Variants in IPO11 observed in about 807,000 individuals in gnomAD.
The protein encoded by IPO11 is importin 11, also known as importin-11.
Under a neutral mutation model 143.2 loss-of-function variants are expected in IPO11, and 66 were observed. The observed-to-expected ratio is 0.46, with a 90% CI of 0.38 to 0.57. The LOEUF (loss-of-function observed/expected upper bound fraction) is 0.57. Among genes scored for constraint, IPO11 ranks in the 20% least tolerant of loss-of-function variants. The pLI is 0.00. For missense variants in IPO11, 1,026 were observed against 1,141.0 expected (o/e 0.90, Z 1.45); for synonymous variants, 385 against 377.8 (o/e 1.02, Z -0.22).
At position 62,458,882 on chromosome 5, in the gene IPO11, C is replaced by T. The variant is rs184651689; in HGVS notation, c.516+6949C>T. 2.0e-5 allele frequency among the ~76,000 whole-genome samples: 3 copies of T among 152,234 alleles called. No individual in the cohort carries two copies. The East Asian group carries it at 5.8e-4, about 29-fold the overall frequency. ...ATTCATAAAGCCTCTTGTCTGAGTC[C>T]TAGTTAAGGGCCTGGAATAAGAATG... On this transcript the variant is annotated intron_variant, in intron 5 of 29. Coordinates refer to ENST00000325324, the MANE Select transcript of IPO11 (RefSeq NM_016338.5).
chr5:62,465,898 G>C (rs1053960482), intron 5 of IPO11, among the ~76,000 whole-genome samples: 4 of 152,248 alleles, frequency 2.6e-5, no homozygotes, highest in Admixed American at 6.5e-5. Flanking sequence ...AACAATAGGA[G>C]ATAGATGACT....
At chr5:62,573,969 C>T (rs769551651) in intron 27 of IPO11, among the ~76,000 whole-genome samples, 17 of 152,302 alleles carry the variant, frequency 1.1e-4, no homozygotes, top group Admixed American at 6.5e-4. Flanking sequence ...TGGGGATGTT[C>T]ATTCAACTTC....
At chr5:62,532,675 G>A (rs531196825) in intron 22 of IPO11, among the ~76,000 whole-genome samples, 27 of 152,174 alleles carry the variant, frequency 1.8e-4, no homozygotes, top group African/African-American at 6.5e-4. Context: ...TAGTTTTAAT[G>A]ATAGAAATCT....
intron 3 of IPO11, among the ~76,000 whole-genome samples, chr5:62,447,776 A>G (rs1036602834): frequency 2.8e-5 from 3 of 108,078 alleles, no homozygotes; most frequent in Non-Finnish European, 6.3e-5. Context: ...TGGTAGAGAC[A>G]GGGTTTCGCC....
intron 22 of IPO11, among the ~76,000 whole-genome samples, chr5:62,531,082 A>G (rs895725560): frequency 1.3e-5 from 2 of 152,164 alleles, no homozygotes; most frequent in Non-Finnish European, 2.9e-5. Flanking sequence ...TATGTCCTTG[A>G]GTACTCAATG....
chr5:62,492,484 G>A (rs1746654655), intron 15 of IPO11, among the ~76,000 whole-genome samples: 1 of 151,906 alleles, frequency 6.6e-6, no homozygotes, highest in Admixed American at 6.6e-5. Context: ...AATTCCTTTA[G>A]GTGTGTTATA....
intron 6 of IPO11, among the ~76,000 whole-genome samples, chr5:62,467,974 G>T (rs1022677130): frequency 2.6e-5 from 4 of 151,952 alleles, no homozygotes; most frequent in African/African-American, 9.7e-5. Flanking sequence ...GACAGACAGG[G>T]TCTTGCTCTG....
At chr5:62,609,255 G>A (rs1376733352) in intron 29 of IPO11, among the ~76,000 whole-genome samples, 1 of 152,220 alleles carries the variant, frequency 6.6e-6, no homozygotes, top group Non-Finnish European at 1.5e-5. Context: ...GAAGTGATGA[G>A]AGGCTAAAGG....
At chr5:62,499,900 A>G (rs190669279) in intron 16 of IPO11, among the ~76,000 whole-genome samples, 42 of 152,282 alleles carry the variant, frequency 2.8e-4, no homozygotes, top group Middle Eastern at 3.4e-3. Flanking sequence ...AGGATCATCA[A>G]TATCATTGTC....
intron 19 of IPO11, among the ~76,000 whole-genome samples, chr5:62,508,941 G>C (rs1359601138): frequency 6.6e-6 from 1 of 152,164 alleles, no homozygotes; most frequent in East Asian, 1.9e-4. Context: ...ATACACCGTG[G>C]AATACTATGC....
At chr5:62,489,423 G>A (rs1311711553) in intron 14 of IPO11, 74 bp downstream of exon 14, 9 of 1,069,410 alleles carry the variant, frequency 8.4e-6, no homozygotes, top group African/African-American at 1.6e-5. Flanking sequence ...GGTAGATTTT[G>A]TGCTGAGGGT....
intron 12 of IPO11, 130 bp downstream of exon 12, chr5:62,485,592 A>G: frequency 4.0e-6 from 3 of 743,716 alleles, no homozygotes. Flanking sequence ...TAATCCTAGC[A>G]CTTTGGGAAG....
intron 5 of IPO11, among the ~76,000 whole-genome samples, chr5:62,466,319 A>C (rs1745573528): frequency 6.6e-6 from 1 of 152,202 alleles, no homozygotes; most frequent in Non-Finnish European, 1.5e-5. Flanking sequence ...TTTTCATAGA[A>C]ACATGATTTT....
intron 27 of IPO11, among the ~76,000 whole-genome samples, chr5:62,563,661 AT>A: frequency 6.6e-6 from 1 of 152,174 alleles, no homozygotes; most frequent in Non-Finnish European, 1.5e-5. Context: ...AAATTTATTT[AT>A]ATTTCATATA....
At chr5:62,561,989 T>G (rs1743788556) in intron 27 of IPO11, 1 of 152,200 alleles carries the variant, frequency 6.6e-6, no homozygotes, top group Non-Finnish European at 1.5e-5. Flanking sequence ...GGGACATTGC[T>G]TATACTTTTG....
intron 27 of IPO11, among the ~76,000 whole-genome samples, chr5:62,566,160 G>A (rs982074229): frequency 6.6e-6 from 1 of 151,998 alleles, no homozygotes; most frequent in African/African-American, 2.4e-5. Context: ...GAGATTGCTG[G>A]GTCAAGTGGT....
intron 7 of IPO11, among the ~76,000 whole-genome samples, chr5:62,473,759 T>TC (rs1242617328): frequency 1.3e-5 from 2 of 152,182 alleles, no homozygotes; most frequent in Non-Finnish European, 2.9e-5. Context: ...TAAGTTTTTT[T>TC]CACTATTTCT....
At chr5:62,433,753 A>G (rs1293008877) in intron 1 of IPO11, among the ~76,000 whole-genome samples, 1 of 152,198 alleles carries the variant, frequency 6.6e-6, no homozygotes. Flanking sequence ...CTAGAACAGG[A>G]AAAATGGTGA....
At chr5:62,574,817 G>C (rs1054209119) in intron 27 of IPO11, among the ~76,000 whole-genome samples, 1 of 152,196 alleles carries the variant, frequency 6.6e-6, no homozygotes, top group African/African-American at 2.4e-5. Flanking sequence ...CTAAAGTCAT[G>C]CTGGGGGGTG....
Sources: allele counts gnomAD v4.1 joint callset (sites outside exome capture counted in the v4.1 genomes callset), GRCh38; gene constraint gnomAD v4.1.1; transcripts MANE v1.5; gene names NCBI Gene and HGNC (gene_info 2026-07-23, HGNC 2026-07-21).